KIAA1549L: variants seen among roughly 807,000 people sequenced by gnomAD.
KIAA1549L encodes the protein UPF0606 protein KIAA1549L.
KIAA1549L carries 88 observed loss-of-function variants against 160.7 expected under a neutral mutation model. That is an observed-to-expected ratio of 0.55 (90% confidence interval 0.46 to 0.65). The LOEUF (loss-of-function observed/expected upper bound fraction) is 0.65. Among genes scored for constraint, KIAA1549L ranks in the 30% least tolerant of loss-of-function variants. KIAA1549L has a pLI of 0.00. For synonymous variants in KIAA1549L, 950 were observed against 976.7 expected, an observed-to-expected ratio of 0.97 and a Z score of 0.51; for missense variants, 2,258 against 2,437.5, an observed-to-expected ratio of 0.93 and a Z score of 1.55.
At position 33,503,618 on chromosome 11, in the gene KIAA1549L, T is replaced by C. The variant is rs550842987; in HGVS notation, c.239-38184T>C. Among the ~76,000 whole-genome samples, 6 of 152,364 alleles carry C rather than the reference T, an allele frequency of 3.9e-5. No individual in the cohort carries two copies. In the East Asian group the frequency reaches 9.6e-4, roughly 24 times the overall value. On this transcript the variant is annotated intron_variant, in intron 1 of 20. Coordinates refer to ENST00000658780, the MANE Select transcript of KIAA1549L (RefSeq NM_012194.3). ...AGATAGTACATTTATCACATAAGTC[T>C]ATTTAACAAAATCTAATTGATAACC...
At chr11:33,534,760 A>G (rs1382684219) in intron 1 of KIAA1549L, among the ~76,000 whole-genome samples, 1 of 152,174 alleles carries the variant, frequency 6.6e-6, no homozygotes, top group African/African-American at 2.4e-5. Context: ...ATGATGTTCC[A>G]AACAAACTTA....
chr11:33,553,404 T>C (rs1854538406), intron 6 of KIAA1549L, among the ~76,000 whole-genome samples: 1 of 152,138 alleles, frequency 6.6e-6, no homozygotes, highest in African/African-American at 2.4e-5. Context: ...TTCTTTTCAA[T>C]GTCTCTGTTT....
At chr11:33,634,559 C>T (rs1211378203) in intron 16 of KIAA1549L, among the ~76,000 whole-genome samples, 1 of 152,168 alleles carries the variant, frequency 6.6e-6, no homozygotes, top group Non-Finnish European at 1.5e-5. Flanking sequence ...ATTGAATTTC[C>T]CCTGCTCCTT....
chr11:33,508,614 C>A (rs796889120), intron 1 of KIAA1549L, among the ~76,000 whole-genome samples: 15 of 152,288 alleles, frequency 9.8e-5, no homozygotes, highest in African/African-American at 3.4e-4. Context: ...CCCCATGACC[C>A]AAATATAGTT....
At chr11:33,487,102 C>T (rs1211918591) in intron 1 of KIAA1549L, among the ~76,000 whole-genome samples, 5 of 152,112 alleles carry the variant, frequency 3.3e-5, no homozygotes, top group African/African-American at 9.7e-5. Flanking sequence ...TTAGGAGGCC[C>T]GCTGATGGGG....
intron 1 of KIAA1549L, among the ~76,000 whole-genome samples, chr11:33,503,133 A>G (rs959476807): frequency 6.6e-6 from 1 of 152,184 alleles, no homozygotes. Context: ...TGATCATTCA[A>G]CTTACCATAG....
At position 33,402,814 on chromosome 11, in the gene KIAA1549L, C is replaced by T. The variant is rs1304560206; in HGVS notation, c.238+25925C>T. Among the ~76,000 whole-genome samples the T allele has an allele frequency of 3.3e-5, 5 of 150,962 alleles. No individual in the cohort carries two copies. In the South Asian group the frequency reaches 1.0e-3, roughly 31 times the overall value. On this transcript the variant is annotated intron_variant, in intron 1 of 20. Transcript: ENST00000658780. ...TGTGCTTGGCTCACTCCTGCCACCC[C>T]CCCTAGCTTCCGAACCAGTTGACTT...
intron 17 of KIAA1549L, among the ~76,000 whole-genome samples, chr11:33,655,444 C>T (rs1003246301): frequency 1.3e-5 from 2 of 152,168 alleles, no homozygotes; most frequent in African/African-American, 4.8e-5. Context: ...AACCTGCTCT[C>T]CCTTGAGAGA....
chr11:33,460,407 A>AC (rs1851919716), intron 1 of KIAA1549L, among the ~76,000 whole-genome samples: 1 of 152,202 alleles, frequency 6.6e-6, no homozygotes, highest in Non-Finnish European at 1.5e-5. Context: ...GGTGTGAGGA[A>AC]GGGGTTGTGG....
intron 1 of KIAA1549L, among the ~76,000 whole-genome samples, chr11:33,422,558 CCT>C (rs1422860606): frequency 8.6e-6 from 1 of 116,948 alleles, no homozygotes; most frequent in Admixed American, 9.0e-5. Context: ...TTCCCCCCCT[CCT>C]CTCCCTCCCT....
intron 16 of KIAA1549L, among the ~76,000 whole-genome samples, chr11:33,620,352 T>C (rs1440216159): frequency 6.6e-6 from 1 of 152,184 alleles, no homozygotes; most frequent in East Asian, 1.9e-4. Flanking sequence ...GTGCATGTGA[T>C]CTCAAAAATA....
chr11:33,608,104 G>C (rs979440757), intron 14 of KIAA1549L, among the ~76,000 whole-genome samples: 1 of 152,144 alleles, frequency 6.6e-6, no homozygotes, highest in Non-Finnish European at 1.5e-5. Context: ...GTGCTTAAAA[G>C]AGTATGGATT....
At chr11:33,450,925 C>T (rs1851709058) in intron 1 of KIAA1549L, 1 of 152,472 alleles carries the variant, frequency 6.6e-6, no homozygotes, top group East Asian at 1.9e-4. Flanking sequence ...CTTGCCCTGA[C>T]TCCTTCATCC....
chr11:33,598,483 G>C (rs1319290498), intron 12 of KIAA1549L, among the ~76,000 whole-genome samples: 3 of 152,122 alleles, frequency 2.0e-5, no homozygotes, highest in Non-Finnish European at 4.4e-5. Flanking sequence ...AGAGTGCTGG[G>C]TATTAAAAAC....
chr11:33,629,942 T>C (rs1194183843), intron 16 of KIAA1549L, among the ~76,000 whole-genome samples: 1 of 150,764 alleles, frequency 6.6e-6, no homozygotes, highest in Non-Finnish European at 1.5e-5. Context: ...TCTTTGATGA[T>C]GGTGATGTAC....
chr11:33,457,872 G>A (rs573374081), intron 1 of KIAA1549L, among the ~76,000 whole-genome samples: 2 of 152,320 alleles, frequency 1.3e-5, no homozygotes, highest in East Asian at 3.9e-4. Flanking sequence ...CATGGGACAG[G>A]AGATACGCAG....
intron 1 of KIAA1549L, among the ~76,000 whole-genome samples, chr11:33,529,992 C>G (rs1320207751): frequency 1.3e-5 from 2 of 152,054 alleles, no homozygotes; most frequent in African/African-American, 2.4e-5. Context: ...TTACTGCTTT[C>G]CTTTTAAAGG....
At chr11:33,541,480 T>C (rs1172295713) in intron 1 of KIAA1549L, among the ~76,000 whole-genome samples, 2 of 152,236 alleles carry the variant, frequency 1.3e-5, no homozygotes. Context: ...CCATGGCAGT[T>C]GACCACATTC....
At chr11:33,631,979 T>C (rs1206138901) in intron 16 of KIAA1549L, among the ~76,000 whole-genome samples, 1 of 152,210 alleles carries the variant, frequency 6.6e-6, no homozygotes, top group South Asian at 2.1e-4. Flanking sequence ...GTCACGTTTC[T>C]AGCTCTGAGC....
Sources: gnomAD v4.1 joint callset for allele counts (sites outside exome capture counted in the v4.1 genomes callset) on GRCh38, gnomAD v4.1.1 for gene constraint, MANE v1.5 for transcripts, NCBI Gene and HGNC (gene_info 2026-07-23, HGNC 2026-07-21) for gene names.